The following ZYG11B variants were observed in gnomAD, a reference collection of about 807,000 sequenced individuals.
ZYG11B encodes protein zyg-11 homolog B.
In ZYG11B, 36 loss-of-function variants were observed where a neutral mutation model predicts 82.4. The ratio of observed to expected loss-of-function variants is 0.44; its 90% CI spans 0.33 to 0.58. ZYG11B has a LOEUF of 0.58. Ranked by LOEUF, ZYG11B falls within the 20% of genes least tolerant of loss-of-function variation. The pLI, the probability that ZYG11B is intolerant of heterozygous loss-of-function variation, is 0.02. For missense variants in ZYG11B, 552 were observed against 895.6 expected (o/e 0.62, Z 4.90); for synonymous variants, 303 against 312.8 (o/e 0.97, Z 0.33).
chr1:52,790,773 CT>C, intron 6 of ZYG11B, among the ~76,000 whole-genome samples: 272 of 77,680 alleles, frequency 3.5e-3, no homozygotes, highest in Non-Finnish European at 4.6e-3. Context: ...GTCCAGTGTT[CT>C]TTTTTTTTTT....
At chr1:52,772,910 C>T (rs1305642409) in intron 3 of ZYG11B, among the ~76,000 whole-genome samples, 1 of 151,968 alleles carries the variant, frequency 6.6e-6, no homozygotes, top group Non-Finnish European at 1.5e-5. Flanking sequence ...ATCTCCTGAC[C>T]TCGTAATCTG....
intron 8 of ZYG11B, among the ~76,000 whole-genome samples, chr1:52,801,109 T>A (rs1454618645): frequency 6.6e-6 from 1 of 151,956 alleles, no homozygotes; most frequent in Non-Finnish European, 1.5e-5. Flanking sequence ...TATCTTCTTG[T>A]TTTTTTGAAA....
chr1:52,810,602 C>G (rs917138046), intron 10 of ZYG11B, among the ~76,000 whole-genome samples: 1 of 152,154 alleles, frequency 6.6e-6, no homozygotes, highest in Non-Finnish European at 1.5e-5. Flanking sequence ...AGTCACTGTC[C>G]TTTATTGCTT....
At chr1:52,783,882 A>ATGTACATACACGTGGGTGTG (rs74208826) in intron 4 of ZYG11B, among the ~76,000 whole-genome samples, 1 of 126,012 alleles carries the variant, frequency 7.9e-6, no homozygotes, top group Non-Finnish European at 1.6e-5. Context: ...ACGTGTGTGT[A>ATGTACATACACGTGGGTGTG]TATGTACATA....
intron 10 of ZYG11B, among the ~76,000 whole-genome samples, chr1:52,808,286 C>T (rs521288): frequency 0.45 from 67,881 of 151,790 alleles, 15,385 homozygotes; most frequent in East Asian, 0.63. Flanking sequence ...ATCGCTTGAA[C>T]CCAGGAGACG....
intron 13 of ZYG11B, among the ~76,000 whole-genome samples, chr1:52,820,970 A>G (rs1045572836): frequency 6.6e-6 from 1 of 151,530 alleles, no homozygotes; most frequent in Non-Finnish European, 1.5e-5. Flanking sequence ...GGGTGGTGGC[A>G]TGTGCCTGTA....
At chr1:52,781,924 A>T (rs1198587273) in intron 4 of ZYG11B, among the ~76,000 whole-genome samples, 1 of 152,002 alleles carries the variant, frequency 6.6e-6, no homozygotes, top group Non-Finnish European at 1.5e-5. Context: ...TTGGTATATG[A>T]ATTGTCTTTT....
chr1:52,776,213 C>A (rs1644804334), intron 3 of ZYG11B, among the ~76,000 whole-genome samples: 1 of 8,228 alleles, frequency 1.2e-4, no homozygotes, highest in African/African-American at 3.1e-4. Context: ...GAGCAAAACT[C>A]TGTCTTAAAA....
At chr1:52,741,583 T>G (rs1644432083) in intron 1 of ZYG11B, among the ~76,000 whole-genome samples, 1 of 152,220 alleles carries the variant, frequency 6.6e-6, no homozygotes, top group Admixed American at 6.5e-5. Context: ...TGCTTGACTT[T>G]TCATTTATTC....
chr1:52,729,303 CAT>C (rs1185838427), intron 1 of ZYG11B, among the ~76,000 whole-genome samples: 1 of 137,878 alleles, frequency 7.3e-6, no homozygotes. Context: ...AGGATTCCAA[CAT>C]ATGAATTTAG....
chr1:52,757,960 G>A (rs1349300777), intron 2 of ZYG11B, among the ~76,000 whole-genome samples: 1 of 151,792 alleles, frequency 6.6e-6, no homozygotes, highest in African/African-American at 2.4e-5. Context: ...CTAGCACTTT[G>A]GGAGGTCAAG....
intron 3 of ZYG11B, among the ~76,000 whole-genome samples, chr1:52,774,756 C>G (rs774805122): frequency 9.9e-5 from 15 of 151,680 alleles, no homozygotes; most frequent in Non-Finnish European, 1.5e-5. Flanking sequence ...ATTTCCAGCT[C>G]TGTCATCAGT....
intron 6 of ZYG11B, among the ~76,000 whole-genome samples, chr1:52,790,767 A>AGG (rs1644950529): frequency 9.0e-6 from 1 of 111,024 alleles, no homozygotes; most frequent in African/African-American, 3.9e-5. Flanking sequence ...TTCTAGGTCC[A>AGG]GTGTTCTTTT....
At chr1:52,788,228 T>C (rs774605512) in intron 5 of ZYG11B, among the ~76,000 whole-genome samples, 1 of 152,064 alleles carries the variant, frequency 6.6e-6, no homozygotes, top group African/African-American at 2.4e-5. Context: ...AAAAAAAAAT[T>C]TAAAGAAAAT....
chr1:52,780,065 G>C lies in ZYG11B; in HGVS notation c.1092+72G>C, dbSNP rs574213757. The C allele has an allele frequency of 1.4e-3, 2,031 of 1,491,104 alleles. 20 individuals are homozygous for C. The highest frequency in any genetic ancestry group is 0.012 in the South Asian group (900 of 77,028). 92.4% of individuals were successfully genotyped at this position (1,491,104 alleles called of 1,614,324 possible). On this transcript the variant is annotated intron_variant, in intron 4 of 13. Transcript: ENST00000294353. ...GGCAGATGATTTTTTGAAGAAAATT[G>C]GTGAAAATTTGCATTTAGTCTTTTT...
chr1:52,816,784 T>C (rs1645227925), intron 13 of ZYG11B, 155 bp downstream of exon 13: 11 of 333,716 alleles, frequency 3.3e-5, no homozygotes, highest in East Asian at 1.3e-4. Context: ...GGTATTCTTT[T>C]TTTTTTTTTT....
chr1:52,790,715 C>CAAAAAAAA (rs755866491), intron 6 of ZYG11B, among the ~76,000 whole-genome samples: 5 of 49,706 alleles, frequency 1.0e-4, no homozygotes, highest in East Asian at 7.2e-4. Flanking sequence ...AAGACTGTCT[C>CAAAAAAAA]AAAAAAAAAA....
intron 1 of ZYG11B, among the ~76,000 whole-genome samples, chr1:52,729,093 A>G (rs1644308242): frequency 6.6e-6 from 1 of 152,208 alleles, no homozygotes; most frequent in Admixed American, 6.6e-5. Flanking sequence ...GAAGTCCAAA[A>G]TCAGTTCCCC....
chr1:52,735,376 T>G (rs890833391), intron 1 of ZYG11B, among the ~76,000 whole-genome samples: 3 of 152,208 alleles, frequency 2.0e-5, no homozygotes, highest in Non-Finnish European at 4.4e-5. Flanking sequence ...TCTTCAGCAC[T>G]TAAGTATTTC....
Sources: allele counts gnomAD v4.1 joint callset (sites outside exome capture counted in the v4.1 genomes callset), GRCh38; gene constraint gnomAD v4.1.1; transcripts MANE v1.5; gene names NCBI Gene and HGNC (gene_info 2026-07-23, HGNC 2026-07-21).